Variants in SPATA13 observed in about 807,000 individuals in gnomAD.
SPATA13 encodes spermatogenesis associated 13, also known as spermatogenesis-associated protein 13.
SPATA13 carries 50 observed loss-of-function variants against 104.0 expected under a neutral mutation model. The ratio of observed to expected loss-of-function variants is 0.48; its 90% CI spans 0.38 to 0.61. The LOEUF (loss-of-function observed/expected upper bound fraction) is 0.61. Among genes scored for constraint, SPATA13 ranks in the 20% least tolerant of loss-of-function variants. SPATA13 has a pLI of 0.00. For synonymous variants in SPATA13, 606 were observed against 667.5 expected (o/e 0.91, Z 1.42); for missense variants, 1,524 against 1,690.6 (o/e 0.90, Z 1.73).
Position 24,305,738 on chromosome 13 carries a change from T to G in SPATA13, c.*2965T>G, listed in dbSNP as rs1376598830. 6.6e-6 allele frequency: 1 copy of G among 152,236 alleles called. No homozygotes were observed. Among genetic ancestry groups the G allele is most frequent in the Non-Finnish European group, 1.5e-5 (1 of 68,052 alleles). The allele number at this position is 152,236 out of a possible 1,614,324, so 9.4% of individuals were successfully genotyped here. A position where few individuals can be genotyped will look rare whatever the true frequency, so the allele number is the denominator to read the frequency against. On this transcript the variant is annotated 3_prime_UTR_variant, in exon 13 of 13. Transcript: ENST00000382108. ...AAGATGACATAACATTTTGATGAAT[T>G]TCACCTATTCCATTCTTCACGTTTC...
intron 3 of SPATA13, among the ~76,000 whole-genome samples, chr13:24,101,687 T>C (rs1880262026): frequency 6.6e-6 from 1 of 152,212 alleles, no homozygotes; most frequent in Non-Finnish European, 1.5e-5. Context: ...TCTCTACTAA[T>C]CCGTAGAAGT....
At chr13:24,300,125 C>T (rs1232795717) in intron 11 of SPATA13, among the ~76,000 whole-genome samples, 2 of 152,154 alleles carry the variant, frequency 1.3e-5, no homozygotes, top group Non-Finnish European at 2.9e-5. Flanking sequence ...CCGGGAGCGT[C>T]GGGCTTCACA....
intron 1 of SPATA13, among the ~76,000 whole-genome samples, chr13:24,196,027 G>C (rs1870037182): frequency 6.6e-6 from 1 of 152,160 alleles, no homozygotes; most frequent in South Asian, 2.1e-4. Flanking sequence ...ACTGTAACTT[G>C]ATTTTTGTGC....
At chr13:24,078,603 T>C (rs1879408200) in intron 3 of SPATA13, among the ~76,000 whole-genome samples, 1 of 152,206 alleles carries the variant, frequency 6.6e-6, no homozygotes, top group African/African-American at 2.4e-5. Flanking sequence ...GCAGCAGGCC[T>C]GGGCAGTTGT....
chr13:24,168,373 C>T (rs1882830563), intron 1 of SPATA13, among the ~76,000 whole-genome samples: 1 of 152,188 alleles, frequency 6.6e-6, no homozygotes, highest in South Asian at 2.1e-4. Context: ...GATTTGCTCT[C>T]TTTCTGTGAA....
intron 1 of SPATA13, among the ~76,000 whole-genome samples, chr13:24,196,307 TCA>T (rs1870053335): frequency 1.3e-5 from 2 of 152,318 alleles, no homozygotes; most frequent in South Asian, 4.1e-4. Context: ...CCTGGAAGTA[TCA>T]CACTTCAATT....
intron 2 of SPATA13, among the ~76,000 whole-genome samples, chr13:24,233,188 C>T (rs923519118): frequency 6.6e-6 from 1 of 152,046 alleles, no homozygotes; most frequent in African/African-American, 2.4e-5. Flanking sequence ...AAAAACATTA[C>T]AGAATTTGAA....
chr13:24,229,209 T>C (rs1872121133), intron 2 of SPATA13, among the ~76,000 whole-genome samples: 1 of 152,086 alleles, frequency 6.6e-6, no homozygotes. Context: ...CTTTAGTGAG[T>C]GGAAACTCAG....
At chr13:24,275,057 T>C (rs1874876572) in intron 4 of SPATA13, among the ~76,000 whole-genome samples, 1 of 152,130 alleles carries the variant, frequency 6.6e-6, no homozygotes, top group African/African-American at 2.4e-5. Flanking sequence ...TTTTTTTTCC[T>C]GATGTCTTCT....
intron 2 of SPATA13, among the ~76,000 whole-genome samples, chr13:23,994,250 A>G (rs2137663767): frequency 6.6e-6 from 1 of 152,364 alleles, no homozygotes; most frequent in South Asian, 2.1e-4. Context: ...TGGCAAAACT[A>G]TAATTAAAAA....
intron 3 of SPATA13, among the ~76,000 whole-genome samples, chr13:24,102,165 G>A (rs992022697): frequency 3.9e-5 from 6 of 152,070 alleles, no homozygotes; most frequent in African/African-American, 7.2e-5. Context: ...TTTCTTGATC[G>A]TAGCCACTCT....
chr13:24,223,550 C>T lies in SPATA13; in HGVS notation c.621C>T (p.Tyr207=), dbSNP rs1023346252. Residue 207 remains tyrosine, a synonymous_variant, in exon 2 of 13, where the codon TAC becomes TAT. Transcript: ENST00000382108. ...GCTCCCGCAGCCTCCGCAGAGCCTA[C>T]GGCCTGGGCCGCATCTGCCTGCTGG... The part of the protein sequence containing the change: ...THRSRSLRRA[Y]GLGRICLLDA... 3.0e-5 allele frequency: 46 copies of T among 1,548,774 alleles called. No individual in the cohort carries two copies. Among genetic ancestry groups the T allele is most frequent in the African/African-American group, 5.5e-5 (4 of 73,068 alleles).
At chr13:24,015,294 C>T (rs1015202821) in intron 2 of SPATA13, among the ~76,000 whole-genome samples, 1 of 152,204 alleles carries the variant, frequency 6.6e-6, no homozygotes, top group African/African-American at 2.4e-5. Context: ...CCAGAGTTTA[C>T]TGCAAAATAG....
chr13:24,065,824 T>A (rs1878940428), intron 3 of SPATA13, among the ~76,000 whole-genome samples: 1 of 152,244 alleles, frequency 6.6e-6, no homozygotes, highest in Non-Finnish European at 1.5e-5. Flanking sequence ...ACTAAGTTTT[T>A]AAAAATATTT....
chr13:24,297,471 C>G lies in SPATA13; in HGVS notation c.3319C>G (p.Gln1107Glu), dbSNP rs768629886. 5.6e-6 allele frequency: 9 copies of G among 1,614,108 alleles called. No individual in the cohort carries two copies. The East Asian group carries it at 1.3e-4, about 24-fold the overall frequency. Reference protein sequence around the residue: ...QQRTFFLFDHQLVSCKKDLLR... With the variant: ...QQRTFFLFDHELVSCKKDLLR... ...GCGGACGTTCTTCCTGTTTGACCAC[C>G]AGCTGGTGTCCTGCAAGAAGGACCT... The change falls in exon 11 of 13, where the codon CAG (glutamine) becomes GAG (glutamate). Residue 1107 changes from glutamine to glutamate, a missense_variant. Gln to Glu is a conservative substitution (Grantham distance 29, BLOSUM62 2). Around this residue, in one of 2 missense-constraint regions of SPATA13, gnomAD observed 435 missense variants for 554.8 expected, o/e 0.78. Transcript: ENST00000382108.
At chr13:24,150,973 G>C (rs1882084462) in intron 3 of SPATA13, among the ~76,000 whole-genome samples, 2 of 152,144 alleles carry the variant, frequency 1.3e-5, no homozygotes, top group South Asian at 4.1e-4. Context: ...ATAAAGTTAG[G>C]CATTACAAAA....
Position 24,227,361 on chromosome 13 carries a change from G to A in SPATA13, c.1653+2779G>A, listed in dbSNP as rs1220549. On this transcript the variant is annotated intron_variant, in intron 2 of 12. Transcript: ENST00000382108. The stretch of plus-strand genomic sequence containing the variant: ...AACTAGTGTGTAGTTATTTGCCAGG[G>A]TGATTTTGACCATTTTATGGTTTTA... 6.3e-3 allele frequency among the ~76,000 whole-genome samples: 958 copies of A among 152,202 alleles called. 7 individuals are homozygous for A. Among genetic ancestry groups the A allele is most frequent in the African/African-American group, 0.022 (919 of 41,510 alleles).
chr13:24,115,678 C>T (rs145464120), intron 3 of SPATA13, among the ~76,000 whole-genome samples: 1 of 152,354 alleles, frequency 6.6e-6, no homozygotes, highest in East Asian at 1.9e-4. Context: ...CATCATCCCA[C>T]ACAGTGTCAG....
chr13:24,000,722 T>A (rs1405613540), intron 2 of SPATA13, among the ~76,000 whole-genome samples: 2 of 151,876 alleles, frequency 1.3e-5, no homozygotes, highest in Admixed American at 6.6e-5. Context: ...AGGTGTGAAT[T>A]TGGGAGAGCT....
Sources: gnomAD v4.1 joint callset for allele counts (sites outside exome capture counted in the v4.1 genomes callset) on GRCh38, gnomAD v4.1.1 for gene constraint, gnomAD v4.1.1 regional missense constraint, MANE v1.5 for transcripts, NCBI Gene and HGNC (gene_info 2026-07-23, HGNC 2026-07-21) for gene names.